The following SDK2 variants were observed in gnomAD, a reference collection of about 807,000 sequenced individuals.
SDK2 encodes the protein sidekick cell adhesion molecule 2.
SDK2 carries 105 observed loss-of-function variants against 253.9 expected under a neutral mutation model. The observed-to-expected ratio is 0.41, with a 90% CI of 0.35 to 0.49. The LOEUF (loss-of-function observed/expected upper bound fraction) is 0.49, where lower values mean the gene tolerates loss of function less well. Among genes scored for constraint, SDK2 ranks in the 20% least tolerant of loss-of-function variants. The pLI, the probability that SDK2 is intolerant of heterozygous loss-of-function variation, is 0.06. For synonymous variants in SDK2, 1,249 were observed against 1,234.9 expected, an observed-to-expected ratio of 1.01 and a Z score of -0.24; for missense variants, 2,608 against 3,003.0, an observed-to-expected ratio of 0.87 and a Z score of 3.07.
rs529831236 is a variant in SDK2 at position 73,606,381 on chromosome 17, G to C, written c.64+37644C>G. 2.6e-5 allele frequency among the ~76,000 whole-genome samples: 4 copies of C among 152,246 alleles called. No homozygotes were observed. The East Asian group carries it at 5.8e-4, about 22-fold the overall frequency. ...GGTCTGCTGAGCCCCTCCTCTGAGG[G>C]GGGGCAGGGCAGGTGCTTATGGGTG... On this transcript the variant is annotated intron_variant, in intron 1 of 44. Coordinates refer to ENST00000392650, the MANE Select transcript of SDK2 (RefSeq NM_001144952.2).
intron 1 of SDK2, among the ~76,000 whole-genome samples, chr17:73,537,718 G>C (rs1382577227): frequency 6.6e-6 from 1 of 152,114 alleles, no homozygotes; most frequent in East Asian, 1.9e-4. Flanking sequence ...TAAGCAGGGG[G>C]AAGGAAGGCC....
At chr17:73,525,557 G>A (rs368733106) in intron 1 of SDK2, among the ~76,000 whole-genome samples, 1 of 152,148 alleles carries the variant, frequency 6.6e-6, no homozygotes, top group Admixed American at 6.5e-5. Flanking sequence ...AATGGGAACC[G>A]GAGGCTCACT....
chr17:73,438,354 C>T lies in SDK2; in HGVS notation c.726-200G>A, dbSNP rs72844131. ...TCACTTTCCTCTTCTATAAAGTGGG[C>T]GCATCTGTGCCCGCCCAGGGGGTTG... On this transcript the variant is annotated intron_variant, in intron 6 of 44. Transcript: ENST00000392650. 7.0e-4 allele frequency among the ~76,000 whole-genome samples: 106 copies of T among 152,224 alleles called. 1 individual carries two copies. The highest frequency in any genetic ancestry group is 2.1e-3 in the African/African-American group (89 of 41,542).
intron 2 of SDK2, among the ~76,000 whole-genome samples, chr17:73,503,815 T>A (rs536751719): frequency 6.6e-6 from 1 of 152,180 alleles, no homozygotes. Context: ...TCAGGGATGG[T>A]CTGAGCTGGG....
chr17:73,349,910 A>G (rs2062519350), intron 43 of SDK2, among the ~76,000 whole-genome samples: 1 of 152,120 alleles, frequency 6.6e-6, no homozygotes, highest in Admixed American at 6.5e-5. Context: ...TCCGAACATC[A>G]GTAGGTTGGT....
intron 18 of SDK2, among the ~76,000 whole-genome samples, chr17:73,409,784 T>C (rs187376974): frequency 2.8e-4 from 43 of 152,344 alleles, no homozygotes; most frequent in Admixed American, 1.1e-3. Flanking sequence ...TTCATTGGTA[T>C]TGAAAATGTT....
At chr17:73,400,915 T>G in intron 21 of SDK2, 105 bp downstream of exon 21, 1 of 1,134,126 alleles carries the variant, frequency 8.8e-7, no homozygotes, top group Non-Finnish European at 1.2e-6. Flanking sequence ...CCCAAGGTGC[T>G]GGGACTACAG....
At position 73,361,925 on chromosome 17, in the gene SDK2, G is replaced by C. The variant is rs1286926902; in HGVS notation, c.5306-80C>G. 4 of 1,426,878 alleles carry C rather than the reference G, an allele frequency of 2.8e-6. No homozygotes were observed. The highest frequency in any genetic ancestry group is 2.8e-6 in the Non-Finnish European group (3 of 1,062,552). The allele number at this position is 1,426,878 out of a possible 1,614,324, so 88.4% of individuals were successfully genotyped here. ...AGGCCATGGGGAAGGGGAAGCGGCC[G>C]TGGCCTGGGCCCCGGGACCCTGGGT... On this transcript the variant is annotated intron_variant, in intron 38 of 44. Coordinates refer to ENST00000392650, the MANE Select transcript of SDK2 (RefSeq NM_001144952.2). This position sits in a 1 kb window ranked among gnomAD's most constrained non-coding sequence, Gnocchi z 4.1.
intron 18 of SDK2, among the ~76,000 whole-genome samples, chr17:73,403,453 T>C (rs1475517213): frequency 3.4e-5 from 5 of 148,422 alleles, no homozygotes; most frequent in African/African-American, 1.0e-4. Flanking sequence ...CGCCTCCTGC[T>C]CTCACCTCAC....
Position 73,402,140 on chromosome 17 carries a change from A to C in SDK2, c.2486T>G (p.Leu829Arg). The C allele has an allele frequency of 6.2e-7, 1 of 1,612,642 alleles. No homozygotes were observed. The highest frequency in any genetic ancestry group is 8.5e-7 in the Non-Finnish European group (1 of 1,179,058). ...FINGINQGYK[L>R]IAWEPEQEEE... ...TTCCTGTTCCGGCTCCCAGGCGATC[A>C]GCTGCGGAGAGGCGAGCAAGTCACA... Residue 829 changes from leucine to arginine, a missense_variant and splice_region_variant, in exon 19 of 45, where the codon CTG becomes CGG. Leu to Arg is a moderately radical substitution (Grantham distance 102, BLOSUM62 -2). Coordinates refer to ENST00000392650, the MANE Select transcript of SDK2 (RefSeq NM_001144952.2).
intron 38 of SDK2, among the ~76,000 whole-genome samples, chr17:73,362,134 T>A (rs929176848): frequency 1.3e-5 from 2 of 152,214 alleles, no homozygotes; most frequent in Non-Finnish European, 2.9e-5. Context: ...GGGTCCATCA[T>A]CAGCATCTAC....
intron 4 of SDK2, among the ~76,000 whole-genome samples, chr17:73,450,417 A>G (rs2063482766): frequency 6.6e-6 from 1 of 152,204 alleles, no homozygotes; most frequent in Admixed American, 6.5e-5. Context: ...AGACCGGGAC[A>G]TGGCCAGCTT....
At chr17:73,610,885 C>T (rs568467368) in intron 1 of SDK2, among the ~76,000 whole-genome samples, 13 of 151,790 alleles carry the variant, frequency 8.6e-5, no homozygotes, top group Non-Finnish European at 1.9e-4. Flanking sequence ...GATGGAGGGT[C>T]AGGCAGGAGT....
chr17:73,346,813 G>C (rs1283877382), intron 44 of SDK2, among the ~76,000 whole-genome samples: 1 of 152,204 alleles, frequency 6.6e-6, no homozygotes, highest in African/African-American at 2.4e-5. Flanking sequence ...GGGGGAAGGG[G>C]TGTCCTTGAA....
chr17:73,374,527 G>A (rs1463663246), intron 36 of SDK2, among the ~76,000 whole-genome samples: 1 of 142,934 alleles, frequency 7.0e-6, no homozygotes, highest in East Asian at 2.2e-4. Context: ...GAGTACAGTG[G>A]CGTGATCTTG....
At chr17:73,434,927 GC>G (rs1406843647) in intron 9 of SDK2, among the ~76,000 whole-genome samples, 1 of 151,308 alleles carries the variant, frequency 6.6e-6, no homozygotes, top group Non-Finnish European at 1.5e-5. Context: ...ACTGTGCCCG[GC>G]CCACAGTTAT....
chr17:73,598,708 C>T (rs2045794982), intron 1 of SDK2, among the ~76,000 whole-genome samples: 2 of 152,182 alleles, frequency 1.3e-5, no homozygotes, highest in African/African-American at 4.8e-5. Context: ...CGGGAGCAGC[C>T]CATCCCCCTC....
At chr17:73,373,216 A>G (rs184779020) in intron 36 of SDK2, among the ~76,000 whole-genome samples, 250 of 152,308 alleles carry the variant, frequency 1.6e-3, no homozygotes, top group African/African-American at 5.5e-3. Flanking sequence ...TCAAGGCTGG[A>G]TGGTATTCCA....
At chr17:73,483,411 A>G (rs1459758659) in intron 2 of SDK2, among the ~76,000 whole-genome samples, 4 of 144,528 alleles carry the variant, frequency 2.8e-5, no homozygotes, top group African/African-American at 1.0e-4. Context: ...GGTTCAAGCA[A>G]TTCTCCTGCC....
Sources: allele counts gnomAD v4.1 joint callset (sites outside exome capture counted in the v4.1 genomes callset), GRCh38; gene constraint gnomAD v4.1.1; non-coding constraint Gnocchi (gnomAD v3.1); transcripts MANE v1.5; gene names NCBI Gene and HGNC (gene_info 2026-07-23, HGNC 2026-07-21).